Variants in DOCK1 observed in about 807,000 individuals in gnomAD.
The protein encoded by DOCK1 is dedicator of cytokinesis protein 1.
DOCK1 carries 138 observed loss-of-function variants against 262.7 expected under a neutral mutation model. That is an observed-to-expected ratio of 0.53 (90% CI 0.46 to 0.61). The LOEUF is 0.61. DOCK1 is among the 20% of genes least tolerant of loss of function. The pLI, the probability that DOCK1 is intolerant of heterozygous loss-of-function variation, is 0.00. For missense variants in DOCK1, 1,908 were observed against 2,370.7 expected, an observed-to-expected ratio of 0.80 and a Z score of 4.05; for synonymous variants, 866 against 867.4, an observed-to-expected ratio of 1.00 and a Z score of 0.03.
At chr10:126,991,616 G>A (rs754033526) in intron 6 of DOCK1, among the ~76,000 whole-genome samples, 7 of 151,830 alleles carry the variant, frequency 4.6e-5, no homozygotes, top group Non-Finnish European at 1.0e-4. Context: ...TGCAATCCCC[G>A]TCTCCTGGGT....
intron 1 of DOCK1, among the ~76,000 whole-genome samples, chr10:126,910,731 C>T (rs1388970463): frequency 6.6e-6 from 1 of 152,194 alleles, no homozygotes; most frequent in East Asian, 1.9e-4. Context: ...GCCTACCTCC[C>T]TCCACGCCTT....
intron 38 of DOCK1, among the ~76,000 whole-genome samples, chr10:127,396,945 GAGCATGAGTTACACGGGCAGCGTCTC>G (rs2066893897): frequency 2.7e-5 from 4 of 149,982 alleles, no homozygotes; most frequent in Non-Finnish European, 5.9e-5. Context: ...TATGTGATCT[GAGCATGAGTTACACGGGCAGCGTCTC>G]CTGTGATCTG....
chr10:127,301,090 A>G (rs1282116879), intron 29 of DOCK1, among the ~76,000 whole-genome samples: 2 of 152,226 alleles, frequency 1.3e-5, no homozygotes, highest in East Asian at 3.8e-4. Context: ...CATCAGTGCA[A>G]TCAGAGCTCT....
chr10:127,217,647 C>A (rs1488238083), intron 27 of DOCK1, among the ~76,000 whole-genome samples: 1 of 152,190 alleles, frequency 6.6e-6, no homozygotes, highest in Non-Finnish European at 1.5e-5. Context: ...TGAGCATATT[C>A]AAATATGCTT....
chr10:127,238,396 C>T (rs562586703), intron 27 of DOCK1, among the ~76,000 whole-genome samples: 109 of 152,212 alleles, frequency 7.2e-4, no homozygotes, highest in African/African-American at 2.4e-3. Flanking sequence ...CCCCAAAGAC[C>T]TTTTACCTCG....
At chr10:127,289,975 A>G (rs2135356764) in intron 29 of DOCK1, among the ~76,000 whole-genome samples, 1 of 150,910 alleles carries the variant, frequency 6.6e-6, no homozygotes, top group African/African-American at 2.4e-5. Context: ...CTTCTGTCCT[A>G]TAATCTGCTG....
intron 3 of DOCK1, among the ~76,000 whole-genome samples, chr10:126,979,801 A>G (rs1369484019): frequency 6.6e-6 from 1 of 152,166 alleles, no homozygotes; most frequent in African/African-American, 2.4e-5. Flanking sequence ...CAGAAAAGGG[A>G]TGTGGGCCCT....
At chr10:127,034,315 A>G (rs538168268) in intron 18 of DOCK1, among the ~76,000 whole-genome samples, 1 of 152,248 alleles carries the variant, frequency 6.6e-6, no homozygotes, top group African/African-American at 2.4e-5. Flanking sequence ...AAAGAGAGAG[A>G]GAGAGCTTGT....
chr10:126,921,381 G>A (rs1161516008), intron 1 of DOCK1, among the ~76,000 whole-genome samples: 3 of 152,136 alleles, frequency 2.0e-5, no homozygotes, highest in East Asian at 3.9e-4. Flanking sequence ...ATGAAACACC[G>A]ATCATGCTAC....
intron 19 of DOCK1, among the ~76,000 whole-genome samples, chr10:127,042,420 A>T (rs2044078755): frequency 6.6e-6 from 1 of 151,550 alleles, no homozygotes; most frequent in Non-Finnish European, 1.5e-5. Flanking sequence ...TCCATTTAAC[A>T]CTGGTGGCAT....
chr10:127,445,414 G>A (rs554744983), intron 50 of DOCK1, among the ~76,000 whole-genome samples: 11 of 152,194 alleles, frequency 7.2e-5, no homozygotes, highest in Non-Finnish European at 1.6e-4. Flanking sequence ...GAGGCTGGCT[G>A]CAGGAGTGGA....
chr10:126,964,421 G>A (rs934254584), intron 1 of DOCK1, among the ~76,000 whole-genome samples: 1 of 152,114 alleles, frequency 6.6e-6, no homozygotes, highest in South Asian at 2.1e-4. Context: ...TCGAGACCAG[G>A]CGGATGGCCC....
At chr10:127,107,728 A>G (rs1235814735) in intron 24 of DOCK1, among the ~76,000 whole-genome samples, 1 of 151,136 alleles carries the variant, frequency 6.6e-6, no homozygotes, top group Non-Finnish European at 1.5e-5. Flanking sequence ...GATTTTAACA[A>G]CCTCCCTCCC....
intron 29 of DOCK1, among the ~76,000 whole-genome samples, chr10:127,282,223 CTCTCTCTCTCTCTGTCTGTCTCTTT>C (rs1048899358): frequency 5.3e-5 from 8 of 151,500 alleles, no homozygotes; most frequent in African/African-American, 2.0e-4. Flanking sequence ...CTCTCTTTCT[CTCTCTCTCTCTCTGTCTGTCTCTTT>C]TCTCTCTCTC....
chr10:127,055,314 A>C (rs1395729583), intron 22 of DOCK1, among the ~76,000 whole-genome samples: 1 of 152,158 alleles, frequency 6.6e-6, no homozygotes, highest in East Asian at 1.9e-4. Context: ...TAATCCTAAG[A>C]TGGCTTCTGC....
At chr10:127,145,159 G>C (rs1307482725) in intron 27 of DOCK1, among the ~76,000 whole-genome samples, 1 of 152,114 alleles carries the variant, frequency 6.6e-6, no homozygotes, top group Non-Finnish European at 1.5e-5. Flanking sequence ...TGGGTCCTGA[G>C]CCTCATCTAG....
intron 10 of DOCK1, chr10:127,001,735 A>T: frequency 6.4e-6 from 1 of 156,628 alleles, no homozygotes; most frequent in East Asian, 1.8e-4. Context: ...CTTGAATTCA[A>T]TTTACCCATA....
intron 33 of DOCK1, among the ~76,000 whole-genome samples, chr10:127,364,861 GTTCTCTCTCTTT>G (rs1157147342): frequency 2.7e-5 from 4 of 148,182 alleles, no homozygotes; most frequent in Non-Finnish European, 1.5e-5. Flanking sequence ...CTTTCCTCCC[GTTCTCTCTCTTT>G]TTTTCCATGA....
intron 49 of DOCK1, among the ~76,000 whole-genome samples, chr10:127,441,954 G>A (rs2070188245): frequency 6.6e-6 from 1 of 152,090 alleles, no homozygotes; most frequent in Non-Finnish European, 1.5e-5. Context: ...AGGGAGGCCA[G>A]GAGAAGCACC....
Sources: gnomAD v4.1 joint callset for allele counts (sites outside exome capture counted in the v4.1 genomes callset) on GRCh38, gnomAD v4.1.1 for gene constraint, MANE v1.5 for transcripts, NCBI Gene and HGNC (gene_info 2026-07-23, HGNC 2026-07-21) for gene names.